The following SAXO1 variants were observed in gnomAD, a reference collection of about 807,000 sequenced individuals.
The protein encoded by SAXO1 is stabilizer of axonemal microtubules 1, also known as 4930500O09Rik.
Under a neutral mutation model 17.5 loss-of-function variants are expected in SAXO1, and 21 were observed. That is an observed-to-expected ratio of 1.20 (90% CI 0.85 to 1.72). The LOEUF is 1.72. SAXO1 is among the 40% of genes most tolerant of loss of function. SAXO1 has a pLI of 0.00. For missense variants in SAXO1, 843 were observed against 596.0 expected (o/e 1.41, Z -4.32); for synonymous variants, 274 against 216.5 (o/e 1.27, Z -2.33).
At chr9:19,006,439 A>G (rs1834483751) in intron 1 of SAXO1, among the ~76,000 whole-genome samples, 1 of 152,244 alleles carries the variant, frequency 6.6e-6, no homozygotes, top group Non-Finnish European at 1.5e-5. Context: ...TCGGTCTTAA[A>G]AAGAAATAAA....
chr9:18,988,970 T>C (rs1833698911), intron 1 of SAXO1, among the ~76,000 whole-genome samples: 1 of 152,168 alleles, frequency 6.6e-6, no homozygotes, highest in East Asian at 1.9e-4. Flanking sequence ...GGGAACTACC[T>C]CTGTGTTGTG....
chr9:18,941,576 C>T (rs990652238), intron 3 of SAXO1, 61 bp downstream of exon 3: 219 of 1,596,072 alleles, frequency 1.4e-4, no homozygotes, highest in Non-Finnish European at 1.8e-4. Context: ...AAACACATTT[C>T]CTGGCCCGCA....
chr9:18,941,701 G>A lies in SAXO1; in HGVS notation c.357C>T (p.Pro119=). 4.3e-6 allele frequency: 7 copies of A among 1,614,122 alleles called. No individual in the cohort carries two copies. Among genetic ancestry groups the A allele is most frequent in the Non-Finnish European group, 5.9e-6 (7 of 1,180,010 alleles). The change falls in exon 3 of 4, where the codon CCC becomes CCT. Residue 119 remains proline, a synonymous_variant. Transcript: ENST00000380534. ...YNPYPVCRVD[P]IKPRDSKYPC... is the part of the protein sequence containing the mutation. ...GATATTTACTGTCCCGAGGTTTGAT[G>A]GGGTCCACTCGACAGACAGGGTAGG...
At chr9:18,929,189 C>T (rs1220426349) in intron 3 of SAXO1, 134 bp from the exon 4 acceptor site, 1 of 978,108 alleles carries the variant, frequency 1.0e-6, no homozygotes, top group Non-Finnish European at 1.5e-6. Flanking sequence ...AGAGCACATC[C>T]CTGCTACCAC....
intron 1 of SAXO1, chr9:19,026,768 C>T (rs1835490260): frequency 2.7e-5 from 12 of 441,954 alleles, no homozygotes; most frequent in South Asian, 2.1e-4. Context: ...TGGTAGCTCA[C>T]ACCTGTAGTC....
chr9:18,964,271 T>C (rs909138337), intron 1 of SAXO1, among the ~76,000 whole-genome samples: 1 of 152,240 alleles, frequency 6.6e-6, no homozygotes, highest in Non-Finnish European at 1.5e-5. Flanking sequence ...GGTATCGGGA[T>C]GATGCTGGCC....
At chr9:19,012,879 G>GC (rs1834809653) in intron 1 of SAXO1, among the ~76,000 whole-genome samples, 1 of 152,170 alleles carries the variant, frequency 6.6e-6, no homozygotes, top group Admixed American at 6.5e-5. Flanking sequence ...AGCTCAGGGG[G>GC]CTGCTCTCTC....
chr9:18,994,164 G>C (rs187403271), intron 1 of SAXO1, among the ~76,000 whole-genome samples: 3 of 152,290 alleles, frequency 2.0e-5, no homozygotes, highest in South Asian at 2.1e-4. Context: ...CAGGTGTCAA[G>C]CAGTCATGTT....
chr9:18,973,395 T>A (rs763430035), intron 1 of SAXO1, among the ~76,000 whole-genome samples: 32 of 152,348 alleles, frequency 2.1e-4, no homozygotes, highest in Middle Eastern at 3.4e-3. Flanking sequence ...TAGACAGGTA[T>A]CACAGGACAC....
intron 3 of SAXO1, among the ~76,000 whole-genome samples, chr9:18,931,224 A>C (rs572924166): frequency 3.9e-5 from 6 of 152,166 alleles, no homozygotes; most frequent in Non-Finnish European, 5.9e-5. Flanking sequence ...CTTGGTCTCT[A>C]TAACTGCGCA....
chr9:19,011,522 C>T (rs1300091000), intron 1 of SAXO1, among the ~76,000 whole-genome samples: 1 of 152,146 alleles, frequency 6.6e-6, no homozygotes, highest in African/African-American at 2.4e-5. Context: ...CTTGTGTGCC[C>T]AGAGCTAAAC....
intron 1 of SAXO1, among the ~76,000 whole-genome samples, chr9:19,031,818 C>T (rs1432108051): frequency 1.3e-5 from 2 of 152,210 alleles, no homozygotes; most frequent in Non-Finnish European, 2.9e-5. Flanking sequence ...TGATTCTAAT[C>T]AGCAGCCAGA....
rs556459254 is a variant in SAXO1, at chr9:19,006,000, C to T, written c.38+26871G>A. 2.7e-3 allele frequency among the ~76,000 whole-genome samples: 416 copies of T among 152,156 alleles called. 7 individuals are homozygous for T. In the South Asian group the frequency reaches 0.035, roughly 13 times the overall value. ...CATCTCTCCAAAGGAGATATACAAA[C>T]GGCAAAAAGGACATGAAAAGATTTT... On this transcript the variant is annotated intron_variant, in intron 1 of 3. Coordinates refer to ENST00000380534, the MANE Select transcript of SAXO1 (RefSeq NM_153707.4).
At chr9:19,007,502 T>A (rs1049723209) in intron 1 of SAXO1, among the ~76,000 whole-genome samples, 4 of 152,246 alleles carry the variant, frequency 2.6e-5, no homozygotes, top group African/African-American at 9.6e-5. Context: ...ACCTGAAAAC[T>A]AAGTCTGACT....
At chr9:18,980,979 TAAG>T (rs1315219072) in intron 1 of SAXO1, among the ~76,000 whole-genome samples, 1 of 152,168 alleles carries the variant, frequency 6.6e-6, no homozygotes, top group African/African-American at 2.4e-5. Flanking sequence ...ACCTAAGTGC[TAAG>T]GAATAAATTG....
chr9:18,968,005 TC>T (rs1832794698), intron 1 of SAXO1, among the ~76,000 whole-genome samples: 1 of 152,082 alleles, frequency 6.6e-6, no homozygotes, highest in African/African-American at 2.4e-5. Context: ...GTGAGGGAGT[TC>T]CCCAACCCCT....
intron 1 of SAXO1, among the ~76,000 whole-genome samples, chr9:18,985,936 T>C (rs1266583750): frequency 6.6e-6 from 1 of 152,184 alleles, no homozygotes; most frequent in African/African-American, 2.4e-5. Context: ...AACCAAATGG[T>C]CAGACTTGCT....
At chr9:19,019,735 AAAAG>A (rs1269326809) in intron 1 of SAXO1, among the ~76,000 whole-genome samples, 1 of 152,094 alleles carries the variant, frequency 6.6e-6, no homozygotes, top group African/African-American at 2.4e-5. Context: ...CTCAAAAGAA[AAAAG>A]AAAGAAAGAA....
At chr9:19,014,121 G>A (rs1324677939) in intron 1 of SAXO1, among the ~76,000 whole-genome samples, 1 of 152,036 alleles carries the variant, frequency 6.6e-6, no homozygotes, top group Non-Finnish European at 1.5e-5. Flanking sequence ...CTTGATTAAG[G>A]GTAGAATTTG....
Sources: allele counts gnomAD v4.1 joint callset (sites outside exome capture counted in the v4.1 genomes callset), GRCh38; gene constraint gnomAD v4.1.1; transcripts MANE v1.5; gene names NCBI Gene and HGNC (gene_info 2026-07-23, HGNC 2026-07-21).